SCN8A: variants seen among roughly 807,000 people sequenced by gnomAD.
The protein encoded by SCN8A is sodium voltage-gated channel alpha subunit 8.
A neutral mutation model predicts 184.1 loss-of-function variants in SCN8A; 30 were observed. The ratio of observed to expected loss-of-function variants is 0.16; its 90% CI spans 0.12 to 0.22. The LOEUF is 0.22. Among genes scored for constraint, SCN8A ranks in the 10% least tolerant of loss-of-function variants. The pLI is 1.00. For synonymous variants in SCN8A, 852 were observed against 907.0 expected (o/e 0.94, Z 1.09); for missense variants, 1,057 against 2,498.9 (o/e 0.42, Z 12.30).
At chr12:51,741,955 C>T (rs183176824) in intron 12 of SCN8A, among the ~76,000 whole-genome samples, 8 of 152,264 alleles carry the variant, frequency 5.3e-5, no homozygotes, top group African/African-American at 9.6e-5. Context: ...CCGCCCACCT[C>T]GACCTCCTAG....
chr12:51,735,168 A>G (rs962238994), intron 12 of SCN8A, among the ~76,000 whole-genome samples: 1 of 152,184 alleles, frequency 6.6e-6, no homozygotes, highest in African/African-American at 2.4e-5. Flanking sequence ...TCCAGATAAT[A>G]GGAACTTTTG....
chr12:51,790,641 T>C, intron 25 of SCN8A, 139 bp downstream of exon 25: 3 of 608,894 alleles, frequency 4.9e-6, no homozygotes, highest in Non-Finnish European at 8.7e-6. Flanking sequence ...ATCCAAAAGA[T>C]CTGAATAGGA....
intron 1 of SCN8A, among the ~76,000 whole-genome samples, chr12:51,649,515 G>T (rs548655928): frequency 1.3e-5 from 2 of 152,224 alleles, no homozygotes; most frequent in Non-Finnish European, 2.9e-5. Flanking sequence ...TCTAGGCAGA[G>T]GTTCCCAAAC....
chr12:51,631,674 T>C (rs941436733), intron 1 of SCN8A, among the ~76,000 whole-genome samples: 1 of 152,240 alleles, frequency 6.6e-6, no homozygotes, highest in East Asian at 1.9e-4. Flanking sequence ...TGAAGTCTTT[T>C]GATGATCTCT....
At chr12:51,721,513 C>T (rs749649698) in intron 11 of SCN8A, 33 bp from the exon 12 acceptor site, 18 of 1,556,420 alleles carry the variant, frequency 1.2e-5, no homozygotes, top group South Asian at 1.1e-4. Flanking sequence ...CTCATTTCCC[C>T]GTCCCTCTCT....
At chr12:51,605,468 C>T (rs1939568831) in intron 1 of SCN8A, among the ~76,000 whole-genome samples, 1 of 152,144 alleles carries the variant, frequency 6.6e-6, no homozygotes, top group African/African-American at 2.4e-5. Flanking sequence ...CATATATACA[C>T]CACAGTTTCT....
chr12:51,742,367 G>A (rs1942440699), intron 12 of SCN8A, among the ~76,000 whole-genome samples: 1 of 152,134 alleles, frequency 6.6e-6, no homozygotes, highest in Admixed American at 6.5e-5. Flanking sequence ...AGCAGTTCCT[G>A]TAGGACAGGT....
At chr12:51,604,578 T>G (rs1939543118) in intron 1 of SCN8A, among the ~76,000 whole-genome samples, 1 of 152,194 alleles carries the variant, frequency 6.6e-6, no homozygotes, top group Non-Finnish European at 1.5e-5. Context: ...TTGCCCAGGC[T>G]GGAGTGCATG....
intron 1 of SCN8A, among the ~76,000 whole-genome samples, chr12:51,598,541 C>T (rs1939396101): frequency 6.6e-6 from 1 of 152,084 alleles, no homozygotes; most frequent in South Asian, 2.1e-4. Flanking sequence ...TCTTTCATTT[C>T]CTCTTGATTT....
chr12:51,658,684 G>A (rs1565876959), intron 1 of SCN8A, among the ~76,000 whole-genome samples: 1 of 152,136 alleles, frequency 6.6e-6, no homozygotes, highest in African/African-American at 2.4e-5. Flanking sequence ...GCTGAAGGTT[G>A]GGAATGGAGA....
chr12:51,747,880 G>A (rs1247054503), intron 13 of SCN8A, among the ~76,000 whole-genome samples: 1 of 150,622 alleles, frequency 6.6e-6, no homozygotes, highest in Non-Finnish European at 1.5e-5. Flanking sequence ...AAAAATAGAT[G>A]TAAGGGTAGC....
At chr12:51,781,825 G>A (rs1436662668) in intron 21 of SCN8A, among the ~76,000 whole-genome samples, 1 of 152,182 alleles carries the variant, frequency 6.6e-6, no homozygotes, top group Non-Finnish European at 1.5e-5. Flanking sequence ...GAGCAAACCA[G>A]AGGATATATT....
chr12:51,713,262 A>C lies in SCN8A; in HGVS notation c.1635+6547A>C. 7 of 1,151,346 alleles carry C rather than the reference A, an allele frequency of 6.1e-6. No homozygotes were observed. The South Asian group carries it at 8.6e-5, about 14-fold the overall frequency. The allele number at this position is 1,151,346 out of a possible 1,614,324, so 71.3% of individuals were successfully genotyped here. On this transcript the variant is annotated intron_variant, in intron 11 of 26. Transcript: ENST00000627620. ...TTAGATGGGCACCAGGCTTCACAGA[A>C]TCCTCTCTAGAAACAGCTCTCTTTG...
chr12:51,626,752 C>G (rs1321890855), intron 1 of SCN8A, among the ~76,000 whole-genome samples: 1 of 151,540 alleles, frequency 6.6e-6, no homozygotes, highest in Non-Finnish European at 1.5e-5. Flanking sequence ...TCTCCCACCT[C>G]CACTCTCCAA....
At chr12:51,634,650 A>ATTTTT (rs1385718460) in intron 1 of SCN8A, among the ~76,000 whole-genome samples, 1 of 55,284 alleles carries the variant, frequency 1.8e-5, no homozygotes, top group African/African-American at 6.3e-5. Flanking sequence ...TATTATTATT[A>ATTTTT]TTATTATTTT....
At chr12:51,645,033 G>C (rs1940540281) in intron 1 of SCN8A, among the ~76,000 whole-genome samples, 1 of 151,708 alleles carries the variant, frequency 6.6e-6, no homozygotes, top group African/African-American at 2.4e-5. Flanking sequence ...GAGGTGGGGG[G>C]GTCAGCCCCC....
At chr12:51,644,691 C>G (rs575465489) in intron 1 of SCN8A, among the ~76,000 whole-genome samples, 1 of 150,470 alleles carries the variant, frequency 6.6e-6, no homozygotes, top group Non-Finnish European at 1.5e-5. Flanking sequence ...TCCGCCTGGC[C>G]GCCCATCGTC....
chr12:51,662,400 T>A (rs533807644), intron 1 of SCN8A, among the ~76,000 whole-genome samples: 1 of 152,192 alleles, frequency 6.6e-6, no homozygotes, highest in Non-Finnish European at 1.5e-5. Flanking sequence ...TGACTTGAAC[T>A]GTAAGGACTT....
intron 1 of SCN8A, among the ~76,000 whole-genome samples, chr12:51,624,105 A>G (rs1940024190): frequency 6.6e-6 from 1 of 152,212 alleles, no homozygotes; most frequent in African/African-American, 2.4e-5. Context: ...AGCATGATTT[A>G]TAGTCCTTTG....
Sources: gnomAD v4.1 joint callset for allele counts (sites outside exome capture counted in the v4.1 genomes callset) on GRCh38, gnomAD v4.1.1 for gene constraint, MANE v1.5 for transcripts, NCBI Gene and HGNC (gene_info 2026-07-23, HGNC 2026-07-21) for gene names.